DLGAP2: variants seen among roughly 807,000 people sequenced by gnomAD.
DLGAP2 encodes the protein disks large-associated protein 2.
In DLGAP2, 26 loss-of-function variants were observed where a neutral mutation model predicts 100.3. That is an observed-to-expected ratio of 0.26 (90% CI 0.19 to 0.36). The LOEUF (loss-of-function observed/expected upper bound fraction) is 0.36, where lower values mean the gene tolerates loss of function less well. DLGAP2 is among the 10% of genes least tolerant of loss of function. The pLI, the probability that DLGAP2 is intolerant of heterozygous loss-of-function variation, is 1.00. For missense variants in DLGAP2, 1,858 were observed against 1,453.2 expected, an observed-to-expected ratio of 1.28 and a Z score of -4.53; for synonymous variants, 886 against 630.1, an observed-to-expected ratio of 1.41 and a Z score of -6.08.
intron 2 of DLGAP2, among the ~76,000 whole-genome samples, chr8:1,050,934 C>T (rs1585014687): frequency 7.6e-6 from 1 of 131,822 alleles, no homozygotes. Flanking sequence ...CCGGTCATTT[C>T]GTGGGTGGGG....
intron 3 of DLGAP2, chr8:1,262,433 C>G (rs374597619): frequency 1.3e-5 from 2 of 152,138 alleles, no homozygotes; most frequent in East Asian, 3.9e-4. Context: ...GACAGCCCAA[C>G]TAAATCCTTG....
At chr8:1,018,769 C>T (rs1334976150) in intron 2 of DLGAP2, 1 of 152,198 alleles carries the variant, frequency 6.6e-6, no homozygotes, top group Non-Finnish European at 1.5e-5. Context: ...TCAGCAGTCA[C>T]TTTAACTAAA....
At chr8:1,293,213 C>T (rs538092087) in intron 3 of DLGAP2, among the ~76,000 whole-genome samples, 3 of 152,204 alleles carry the variant, frequency 2.0e-5, no homozygotes, top group Non-Finnish European at 4.4e-5. Flanking sequence ...GTCTCTGTCT[C>T]CCTCTCACAC....
chr8:988,558 T>C (rs1443122609), intron 2 of DLGAP2, among the ~76,000 whole-genome samples: 1 of 152,192 alleles, frequency 6.6e-6, no homozygotes, highest in African/African-American at 2.4e-5. Flanking sequence ...TCAGCCTTGA[T>C]CTGGCTTGTC....
chr8:983,862 A>G (rs1168993277), intron 2 of DLGAP2, among the ~76,000 whole-genome samples: 1 of 151,530 alleles, frequency 6.6e-6, no homozygotes, highest in Non-Finnish European at 1.5e-5. Flanking sequence ...CTGGTCTTGA[A>G]CTCCTAGGCT....
intron 1 of DLGAP2, among the ~76,000 whole-genome samples, chr8:759,414 C>A (rs145177407): frequency 1.3e-5 from 2 of 152,056 alleles, no homozygotes; most frequent in Non-Finnish European, 2.9e-5. Context: ...CTGGGCTGCA[C>A]GTTTCCAGGG....
intron 1 of DLGAP2, among the ~76,000 whole-genome samples, chr8:760,031 G>T (rs1356636344): frequency 6.6e-6 from 1 of 152,166 alleles, no homozygotes; most frequent in Admixed American, 6.5e-5. Context: ...GTGCTTTTTT[G>T]TATAAGCCGA....
intron 1 of DLGAP2, among the ~76,000 whole-genome samples, chr8:825,312 G>A (rs867265787): frequency 6.6e-6 from 1 of 152,202 alleles, no homozygotes; most frequent in Non-Finnish European, 1.5e-5. Flanking sequence ...CTTTCTGTGG[G>A]AAACTGTACA....
At chr8:741,168 G>T (rs1164938935) in intron 1 of DLGAP2, among the ~76,000 whole-genome samples, 1 of 152,178 alleles carries the variant, frequency 6.6e-6, no homozygotes, top group African/African-American at 2.4e-5. Flanking sequence ...GTGATTTCAC[G>T]TGTGCTCATG....
At chr8:1,433,036 G>A (rs1440376071) in intron 3 of DLGAP2, among the ~76,000 whole-genome samples, 1 of 152,174 alleles carries the variant, frequency 6.6e-6, no homozygotes, top group Admixed American at 6.5e-5. Context: ...CTCTCCTCAT[G>A]ATTCTGCCAA....
intron 2 of DLGAP2, among the ~76,000 whole-genome samples, chr8:1,111,045 C>T (rs1804940538): frequency 2.0e-5 from 3 of 152,202 alleles, no homozygotes; most frequent in South Asian, 4.1e-4. Context: ...TGCTCCACAC[C>T]CGTGTGCCAC....
chr8:974,609 CA>C (rs1800115939), intron 2 of DLGAP2, among the ~76,000 whole-genome samples: 1 of 152,074 alleles, frequency 6.6e-6, no homozygotes, highest in Non-Finnish European at 1.5e-5. Context: ...CAGAAGTTTC[CA>C]AAATATATAG....
chr8:1,030,957 G>A (rs1287248508), intron 2 of DLGAP2, among the ~76,000 whole-genome samples: 3 of 152,206 alleles, frequency 2.0e-5, no homozygotes, highest in Non-Finnish European at 4.4e-5. Flanking sequence ...GATCCACACC[G>A]ACTTCCCGGG....
chr8:1,425,085 C>T (rs536303592), intron 3 of DLGAP2, among the ~76,000 whole-genome samples: 7 of 152,238 alleles, frequency 4.6e-5, no homozygotes, highest in Middle Eastern at 3.4e-3. Flanking sequence ...TTTTAGTAAA[C>T]TTGTATAGTA....
At chr8:1,569,973 G>A (rs951839777) in intron 6 of DLGAP2, among the ~76,000 whole-genome samples, 11 of 152,218 alleles carry the variant, frequency 7.2e-5, no homozygotes, top group African/African-American at 1.9e-4. Context: ...GGGCAGTGGC[G>A]GAGGCCAGGG....
intron 2 of DLGAP2, among the ~76,000 whole-genome samples, chr8:943,436 C>A (rs891979022): frequency 1.9e-4 from 29 of 152,270 alleles, no homozygotes; most frequent in Admixed American, 5.9e-4. Flanking sequence ...TGTCTGGTGG[C>A]TGCTCTGTGG....
intron 4 of DLGAP2, among the ~76,000 whole-genome samples, chr8:1,540,794 A>C (rs975523953): frequency 6.6e-6 from 1 of 152,258 alleles, no homozygotes; most frequent in Admixed American, 6.5e-5. Context: ...GCAACCATAC[A>C]ACCATTTCTG....
chr8:1,148,945 C>T lies in DLGAP2; in HGVS notation c.74-109906C>T, dbSNP rs572289814. On this transcript the variant is annotated intron_variant, in intron 2 of 14. Transcript: ENST00000637795. ...ATGTATCAATAATTCAGTATTAATC[C>T]TTGTGTTCAGATGTTTTAAATCTTA... Among the ~76,000 whole-genome samples, 12 of 152,106 alleles carry T rather than the reference C, an allele frequency of 7.9e-5. No homozygotes were observed. In the East Asian group the frequency reaches 2.3e-3, roughly 29 times the overall value.
chr8:1,038,702 T>G (rs1260818162), intron 2 of DLGAP2, among the ~76,000 whole-genome samples: 1 of 152,206 alleles, frequency 6.6e-6, no homozygotes, highest in African/African-American at 2.4e-5. Flanking sequence ...AATTTGAACC[T>G]TGAAAGGAAT....
Sources: allele counts gnomAD v4.1 joint callset (sites outside exome capture counted in the v4.1 genomes callset), GRCh38; gene constraint gnomAD v4.1.1; transcripts MANE v1.5; gene names NCBI Gene and HGNC (gene_info 2026-07-23, HGNC 2026-07-21).